Variants in ATP6V0A1 observed in about 807,000 individuals in gnomAD.
ATP6V0A1 encodes V-type proton ATPase 116 kDa subunit a 1.
ATP6V0A1 carries 43 observed loss-of-function variants against 105.4 expected under a neutral mutation model. The ratio of observed to expected loss-of-function variants is 0.41; its 90% CI spans 0.32 to 0.53. ATP6V0A1 has a LOEUF of 0.53. Among genes scored for constraint, ATP6V0A1 ranks in the 20% least tolerant of loss-of-function variants. ATP6V0A1 has a pLI of 0.30. For synonymous variants in ATP6V0A1, 362 were observed against 372.8 expected (o/e 0.97, Z 0.33); for missense variants, 676 against 1,051.1 (o/e 0.64, Z 4.93).
intron 19 of ATP6V0A1, chr17:42,510,332 G>T (rs1455692852): frequency 6.6e-6 from 1 of 152,310 alleles, no homozygotes; most frequent in African/African-American, 2.4e-5. Context: ...ACCTCCCAAA[G>T]TGGGGAGATA....
intron 17 of ATP6V0A1, among the ~76,000 whole-genome samples, chr17:42,506,662 A>G (rs1402492583): frequency 5.9e-5 from 9 of 152,188 alleles, no homozygotes; most frequent in Admixed American, 2.0e-4. Flanking sequence ...GGTTAGCACT[A>G]ATTGGGATCT....
chr17:42,482,481 G>A (rs769928324), intron 8 of ATP6V0A1, among the ~76,000 whole-genome samples: 4 of 151,876 alleles, frequency 2.6e-5, no homozygotes, highest in Admixed American at 1.3e-4. Flanking sequence ...ATCTTACTCC[G>A]TTAATTTACA....
At chr17:42,492,106 C>T (rs1028883497) in intron 11 of ATP6V0A1, among the ~76,000 whole-genome samples, 3 of 152,088 alleles carry the variant, frequency 2.0e-5, no homozygotes, top group Non-Finnish European at 4.4e-5. Context: ...TGGTGGCTCA[C>T]GCCTGTAATC....
chr17:42,494,585 A>G, intron 12 of ATP6V0A1, 112 bp downstream of exon 12: 6 of 1,328,024 alleles, frequency 4.5e-6, no homozygotes, highest in Non-Finnish European at 6.1e-6. Context: ...AAAAGGAAGT[A>G]GAGAAGTTAT....
intron 17 of ATP6V0A1, among the ~76,000 whole-genome samples, chr17:42,502,603 C>T (rs185886745): frequency 2.2e-3 from 338 of 152,230 alleles, no homozygotes; most frequent in Admixed American, 4.3e-3. Flanking sequence ...AAAACCCAAA[C>T]GATCTTGTTG....
At chr17:42,520,941 G>A in intron 21 of ATP6V0A1, 86 bp from the exon 22 acceptor site, 1 of 1,210,986 alleles carries the variant, frequency 8.3e-7, no homozygotes, top group Non-Finnish European at 1.2e-6. Context: ...GGTGGGCACG[G>A]GGCATCTTTC....
intron 5 of ATP6V0A1, among the ~76,000 whole-genome samples, chr17:42,473,714 G>C (rs1382241085): frequency 2.0e-5 from 3 of 152,130 alleles, no homozygotes; most frequent in Non-Finnish European, 2.9e-5. Flanking sequence ...ATGAGAGCCA[G>C]CTTCCTATTA....
In ATP6V0A1 at chr17:42,513,852, C is replaced by T. The variant is rs1208426100; in HGVS notation, c.2131-9C>T. 1.2e-6 allele frequency: 2 copies of T among 1,611,542 alleles called. No homozygotes were observed. Among genetic ancestry groups the T allele is most frequent in the Non-Finnish European group, 1.7e-6 (2 of 1,177,762 alleles). On this transcript the variant is annotated splice_polypyrimidine_tract_variant and intron_variant, in intron 19 of 21. Coordinates refer to ENST00000343619, the MANE Select transcript of ATP6V0A1 (RefSeq NM_001130021.3). ...CTTATATCTTCTCTCTGGTTTCCTC[C>T]CACGACAGTTTGACTTTGGGGACAC...
At chr17:42,501,001 A>G in intron 16 of ATP6V0A1, 78 bp downstream of exon 16, 2 of 1,450,802 alleles carry the variant, frequency 1.4e-6, no homozygotes, top group Non-Finnish European at 1.9e-6. Flanking sequence ...ACCCTAAAAA[A>G]TTTATAACTG....
At position 42,466,447 on chromosome 17, in the gene ATP6V0A1, G is replaced by C; in HGVS notation, c.136G>C (p.Val46Leu). 1 of 1,613,182 alleles carries C rather than the reference G, an allele frequency of 6.2e-7. No individual in the cohort carries two copies. The highest frequency in any genetic ancestry group is 1.3e-5 in the African/African-American group (1 of 75,024). ...QFRDLNPDVNVFQRKFVNEVR... is the reference protein window; with the variant it reads ...QFRDLNPDVNLFQRKFVNEVR... ...TTTTCAGTTAAATCCAGATGTGAAT[G>C]TTTTCCAACGGAAATTTGTGAATGA... The change falls in exon 3 of 22, where the codon GTT (valine) becomes CTT (leucine). Residue 46 changes from valine (V) to leucine (L), a missense_variant. By Grantham distance (32) the Val-to-Leu change is conservative (BLOSUM62 1). Around this residue, in one of 3 missense-constraint regions of ATP6V0A1, gnomAD observed 239 missense variants for 388.4 expected, o/e 0.62. Transcript: ENST00000343619.
chr17:42,465,140 G>C (rs1383314993), intron 2 of ATP6V0A1, among the ~76,000 whole-genome samples: 3 of 151,708 alleles, frequency 2.0e-5, no homozygotes, highest in African/African-American at 7.3e-5. Context: ...TTACAGGCAT[G>C]TACCATCATG....
intron 7 of ATP6V0A1, chr17:42,478,910 A>T (rs919360734): frequency 1.0e-4 from 15 of 148,008 alleles, no homozygotes; most frequent in Non-Finnish European, 2.1e-4. Flanking sequence ...AAATTTGGTA[A>T]TTTTTTTTTT....
chr17:42,518,265 C>T (rs923611962), intron 21 of ATP6V0A1: 5 of 152,276 alleles, frequency 3.3e-5, no homozygotes, highest in African/African-American at 1.2e-4. Flanking sequence ...CCTGTACACT[C>T]ACAGATTGGG....
chr17:42,478,636 G>A, intron 7 of ATP6V0A1, 47 bp downstream of exon 7: 2 of 1,496,592 alleles, frequency 1.3e-6, no homozygotes, highest in Non-Finnish European at 1.8e-6. Flanking sequence ...TGTAAAGGGA[G>A]CCCAGAGCAG....
intron 17 of ATP6V0A1, among the ~76,000 whole-genome samples, chr17:42,506,195 A>G (rs1053178468): frequency 2.6e-5 from 4 of 152,184 alleles, no homozygotes; most frequent in African/African-American, 9.7e-5. Flanking sequence ...ACCCTTCACA[A>G]TGATTATACA....
At chr17:42,462,528 T>G (rs1015318155) in intron 2 of ATP6V0A1, among the ~76,000 whole-genome samples, 19 of 152,022 alleles carry the variant, frequency 1.2e-4, no homozygotes, top group Non-Finnish European at 2.4e-4. Context: ...CAAGCAATTC[T>G]CCTGCCTCAG....
At chr17:42,509,409 AC>A (rs1296227217) in intron 19 of ATP6V0A1, among the ~76,000 whole-genome samples, 3 of 152,188 alleles carry the variant, frequency 2.0e-5, no homozygotes, top group African/African-American at 7.2e-5. Flanking sequence ...AAATGCCTAG[AC>A]CCACAAACCA....
chr17:42,485,139 C>T (rs1272504525), intron 9 of ATP6V0A1, among the ~76,000 whole-genome samples: 5 of 152,128 alleles, frequency 3.3e-5, no homozygotes, highest in Non-Finnish European at 4.4e-5. Context: ...TATGAGCCAC[C>T]GTGCCCAGCC....
chr17:42,475,617 A>G (rs1194655109), intron 5 of ATP6V0A1, among the ~76,000 whole-genome samples: 1 of 152,190 alleles, frequency 6.6e-6, no homozygotes, highest in African/African-American at 2.4e-5. Flanking sequence ...GGAAGCCAAA[A>G]GATCAGACAC....
Sources: gnomAD v4.1 joint callset for allele counts (sites outside exome capture counted in the v4.1 genomes callset) on GRCh38, gnomAD v4.1.1 for gene constraint, gnomAD v4.1.1 regional missense constraint, MANE v1.5 for transcripts, NCBI Gene and HGNC (gene_info 2026-07-23, HGNC 2026-07-21) for gene names.